TENM4: variants seen among roughly 807,000 people sequenced by gnomAD.
TENM4 encodes teneurin-4.
Under a neutral mutation model 243.3 loss-of-function variants are expected in TENM4, and 82 were observed. The observed-to-expected ratio is 0.34, with a 90% confidence interval of 0.28 to 0.40. TENM4 has a LOEUF of 0.40. Ranked by LOEUF, TENM4 falls within the 10% of genes least tolerant of loss-of-function variation. TENM4 has a pLI of 1.00. For synonymous variants in TENM4, 1,412 were observed against 1,456.3 expected (o/e 0.97, Z 0.69); for missense variants, 3,138 against 3,673.3 (o/e 0.85, Z 3.77).
chr11:78,670,241 T>C lies in TENM4; in HGVS notation c.6104A>G (p.Asp2035Gly), dbSNP rs1024122762. ...GGTCTTCAGCATGCCTGCCGTCTCG[T>C]CATAGGTGAAACTGACCTTGGTGGT... The part of the protein sequence containing the change: ...YDTTKVSFTY[D>G]ETAGMLKTIN... Residue 2035 changes from aspartate to glycine, a missense_variant, in exon 32 of 34, where the codon GAC becomes GGC. By Grantham distance (94) the Asp-to-Gly change is moderately conservative. Around this residue, in one of 2 missense-constraint regions of TENM4, gnomAD observed 2,467 missense variants for 3,059.1 expected, o/e 0.81. Transcript: ENST00000278550. 2 of 1,613,962 alleles carry C rather than the reference T, an allele frequency of 1.2e-6. No homozygotes were observed. The highest frequency in any genetic ancestry group is 1.7e-6 in the Non-Finnish European group (2 of 1,179,876).
At chr11:79,270,678 C>T (rs556155656) in intron 2 of TENM4, among the ~76,000 whole-genome samples, 1 of 152,326 alleles carries the variant, frequency 6.6e-6, no homozygotes, top group African/African-American at 2.4e-5. Flanking sequence ...CTCCACTTCA[C>T]TTCCTTCCAT....
chr11:79,421,720 A>C (rs1017874013), intron 1 of TENM4, among the ~76,000 whole-genome samples: 3 of 151,366 alleles, frequency 2.0e-5, no homozygotes, highest in Non-Finnish European at 4.4e-5. Flanking sequence ...AAAAAAAAAA[A>C]CAGTTATCAG....
chr11:78,993,124 A>AGAT, intron 6 of TENM4, among the ~76,000 whole-genome samples: 1 of 152,310 alleles, frequency 6.6e-6, no homozygotes, highest in Non-Finnish European at 1.5e-5. Context: ...CCTCAATGCA[A>AGAT]GATGAATTCC....
At chr11:79,233,874 G>T (rs1309598127) in intron 2 of TENM4, among the ~76,000 whole-genome samples, 1 of 152,224 alleles carries the variant, frequency 6.6e-6, no homozygotes, top group African/African-American at 2.4e-5. Context: ...GAGCGAAAAG[G>T]AAGAGGCCCT....
At chr11:78,699,769 G>T (rs1228063107) in intron 28 of TENM4, among the ~76,000 whole-genome samples, 1 of 152,218 alleles carries the variant, frequency 6.6e-6, no homozygotes, top group South Asian at 2.1e-4. Flanking sequence ...AGATTTCAGG[G>T]GTGGTGGAGC....
At chr11:78,889,037 C>T (rs1855605729) in intron 9 of TENM4, among the ~76,000 whole-genome samples, 1 of 152,226 alleles carries the variant, frequency 6.6e-6, no homozygotes, top group African/African-American at 2.4e-5. Context: ...AGGGGTCAGA[C>T]TGTGTTACAA....
chr11:79,376,947 G>T (rs573477002), intron 1 of TENM4, among the ~76,000 whole-genome samples: 1 of 152,308 alleles, frequency 6.6e-6, no homozygotes, highest in East Asian at 1.9e-4. Flanking sequence ...ATCCTATTTG[G>T]TAAAAGGATC....
intron 2 of TENM4, among the ~76,000 whole-genome samples, chr11:79,242,823 G>C (rs1308131948): frequency 1.3e-5 from 2 of 152,172 alleles, no homozygotes; most frequent in African/African-American, 2.4e-5. Context: ...AGAATTACTG[G>C]GTCAAGGCAT....
chr11:78,948,606 C>T (rs905024406), intron 6 of TENM4, among the ~76,000 whole-genome samples: 11 of 152,266 alleles, frequency 7.2e-5, no homozygotes, highest in African/African-American at 2.2e-4. Context: ...CTCCTGACCT[C>T]GTGATCTGCC....
intron 4 of TENM4, among the ~76,000 whole-genome samples, chr11:79,132,490 A>G (rs1028369650): frequency 1.3e-5 from 2 of 152,178 alleles, no homozygotes; most frequent in East Asian, 3.8e-4. Context: ...CTTGGAACAA[A>G]TGGACTTAAT....
intron 4 of TENM4, among the ~76,000 whole-genome samples, chr11:79,126,170 T>C (rs1297300743): frequency 6.6e-6 from 1 of 152,220 alleles, no homozygotes; most frequent in African/African-American, 2.4e-5. Context: ...TGGAAATGCT[T>C]GATCTCCCTT....
intron 9 of TENM4, among the ~76,000 whole-genome samples, chr11:78,866,286 C>A (rs1335244199): frequency 1.3e-5 from 2 of 152,132 alleles, no homozygotes; most frequent in Non-Finnish European, 2.9e-5. Context: ...ATGCTTCTTT[C>A]CCCATTAGAA....
chr11:78,859,798 G>A (rs541378527), intron 10 of TENM4, among the ~76,000 whole-genome samples: 54 of 152,338 alleles, frequency 3.5e-4, no homozygotes, highest in African/African-American at 1.2e-3. Context: ...CAATTTGCAT[G>A]GTTCAAACTA....
chr11:78,669,445 C>G lies in TENM4; in HGVS notation c.6900G>C (p.Val2300=). Residue 2300 remains valine (V), a synonymous_variant, in exon 32 of 34, where the codon GTG becomes GTC. Transcript: ENST00000278550. This position sits in a 1 kb window ranked among gnomAD's most constrained non-coding sequence, Gnocchi z 6.4. Reference sequence around the variant, plus strand: ...GGTGGCTGTGGCTGCTCTTGCTGGACACGCGCCGCCCCAGGCCATCGTAGC... The same window carrying G: ...GGTGGCTGTGGCTGCTCTTGCTGGAGACGCGCCGCCCCAGGCCATCGTAGC... The part of the protein sequence containing the change: ...RYRYDGLGRR[V]SSKSSHSHHL... 6.2e-7 allele frequency: 1 copy of G among 1,612,546 alleles called. No individual in the cohort carries two copies. The highest frequency in any genetic ancestry group is 1.7e-5 in the Admixed American group (1 of 59,950).
At chr11:78,811,760 A>G (rs1857506518) in intron 14 of TENM4, among the ~76,000 whole-genome samples, 3 of 152,228 alleles carry the variant, frequency 2.0e-5, no homozygotes, top group Admixed American at 6.5e-5. Flanking sequence ...GCTGTCTACT[A>G]GCCATGTGTC....
At chr11:79,015,110 C>G (rs1369607707) in intron 6 of TENM4, among the ~76,000 whole-genome samples, 2 of 152,218 alleles carry the variant, frequency 1.3e-5, no homozygotes, top group Non-Finnish European at 2.9e-5. Flanking sequence ...AGAAGTGCAG[C>G]ACAGTAATGA....
At chr11:78,891,381 G>A (rs1855661987) in intron 7 of TENM4, 45 bp from the exon 8 acceptor site, 1 of 1,495,278 alleles carries the variant, frequency 6.7e-7, no homozygotes, top group South Asian at 1.2e-5. Flanking sequence ...GTCATGCATT[G>A]ATGAAGGGGG....
At chr11:79,375,052 T>C (rs900191182) in intron 1 of TENM4, among the ~76,000 whole-genome samples, 3 of 152,222 alleles carry the variant, frequency 2.0e-5, no homozygotes, top group Non-Finnish European at 4.4e-5. Flanking sequence ...TCAAATATTT[T>C]CTTTGTCCAG....
chr11:79,362,333 C>T (rs1250195026), intron 1 of TENM4, among the ~76,000 whole-genome samples: 5 of 152,208 alleles, frequency 3.3e-5, no homozygotes, highest in African/African-American at 9.6e-5. Flanking sequence ...ACCTGTTCAT[C>T]AGGGAGCTAA....
Sources: gnomAD v4.1 joint callset for allele counts (sites outside exome capture counted in the v4.1 genomes callset) on GRCh38, gnomAD v4.1.1 for gene constraint, gnomAD v4.1.1 regional missense constraint, Gnocchi (gnomAD v3.1) non-coding constraint, MANE v1.5 for transcripts, NCBI Gene and HGNC (gene_info 2026-07-23, HGNC 2026-07-21) for gene names.